Variants in PARP8 observed in about 807,000 individuals in gnomAD.
PARP8 encodes the protein protein mono-ADP-ribosyltransferase PARP8.
In PARP8, 51 loss-of-function variants were observed where a neutral mutation model predicts 124.1. The observed-to-expected ratio is 0.41, with a 90% CI of 0.33 to 0.52. The LOEUF is 0.52. Among genes scored for constraint, PARP8 ranks in the 20% least tolerant of loss-of-function variants. The pLI is 0.21. For missense variants in PARP8, 860 were observed against 1,018.9 expected (o/e 0.84, Z 2.12); for synonymous variants, 391 against 361.5 (o/e 1.08, Z -0.93).
intron 2 of PARP8, among the ~76,000 whole-genome samples, chr5:50,691,405 C>A (rs1262847411): frequency 2.0e-5 from 3 of 152,154 alleles, no homozygotes; most frequent in African/African-American, 7.2e-5. Flanking sequence ...GTTAATCATG[C>A]CCTCCTTTTG....
chr5:50,836,778 A>C (rs549771993), intron 25 of PARP8, among the ~76,000 whole-genome samples: 1 of 152,142 alleles, frequency 6.6e-6, no homozygotes, highest in Non-Finnish European at 1.5e-5. Flanking sequence ...TTTCTTAACT[A>C]TCTTGATTGT....
intron 2 of PARP8, among the ~76,000 whole-genome samples, chr5:50,673,208 A>G (rs1263022665): frequency 6.6e-6 from 1 of 152,102 alleles, no homozygotes; most frequent in African/African-American, 2.4e-5. Context: ...TGAGTTAGTG[A>G]GAATCTGGGT....
At chr5:50,743,460 G>C (rs1006214214) in intron 2 of PARP8, among the ~76,000 whole-genome samples, 4 of 152,114 alleles carry the variant, frequency 2.6e-5, no homozygotes, top group African/African-American at 9.7e-5. Context: ...TGAGACACTA[G>C]AGTTGGGTCT....
intron 12 of PARP8, among the ~76,000 whole-genome samples, chr5:50,796,271 T>C (rs1327338547): frequency 6.6e-6 from 1 of 152,096 alleles, no homozygotes; most frequent in East Asian, 1.9e-4. Flanking sequence ...TTGAAAAAAA[T>C]AAGATGTTTC....
chr5:50,789,553 A>G (rs112188920), intron 10 of PARP8, among the ~76,000 whole-genome samples: 5 of 152,310 alleles, frequency 3.3e-5, no homozygotes, highest in African/African-American at 9.6e-5. Flanking sequence ...CTCTTTGAAC[A>G]TAGAGTCTAG....
At position 50,741,040 on chromosome 5, in the gene PARP8, A is replaced by G. The variant is rs139000998; in HGVS notation, c.147-9111A>G. Among the ~76,000 whole-genome samples, 50 of 152,266 alleles carry G rather than the reference A, an allele frequency of 3.3e-4. 1 individual carries two copies. The East Asian group carries it at 7.1e-3, about 22-fold the overall frequency. ...TTTTCCGTCTTGGTATGCTGTGCAG[A>G]TCATTTATAGCCTCTTTAAACTTTT... On this transcript the variant is annotated intron_variant, in intron 2 of 25. Coordinates refer to ENST00000281631, the MANE Select transcript of PARP8 (RefSeq NM_024615.4).
chr5:50,702,835 G>A lies in PARP8; in HGVS notation c.146+34710G>A, dbSNP rs546345006. Among the ~76,000 whole-genome samples, 11 of 152,268 alleles carry A rather than the reference G, an allele frequency of 7.2e-5. No homozygotes were observed. The South Asian group carries it at 1.5e-3, about 20-fold the overall frequency. On this transcript the variant is annotated intron_variant, in intron 2 of 25. Coordinates refer to ENST00000281631, the MANE Select transcript of PARP8 (RefSeq NM_024615.4). ...GTTACACAGAAGAGGAAGTGGTGAG[G>A]AAAATATCTGTCTTTAATTCTCCTA...
At chr5:50,806,620 G>A (rs190500520) in intron 14 of PARP8, among the ~76,000 whole-genome samples, 57 of 152,050 alleles carry the variant, frequency 3.7e-4, no homozygotes, top group African/African-American at 1.1e-3. Context: ...ATCAGAAAAC[G>A]TTCTTAAATA....
At chr5:50,782,679 G>A (rs1020641708) in intron 9 of PARP8, among the ~76,000 whole-genome samples, 1 of 151,678 alleles carries the variant, frequency 6.6e-6, no homozygotes, top group Non-Finnish European at 1.5e-5. Context: ...CCTTATTAAG[G>A]TTAAGCAGAT....
intron 2 of PARP8, among the ~76,000 whole-genome samples, chr5:50,725,964 T>A (rs1418905430): frequency 6.6e-6 from 1 of 152,136 alleles, no homozygotes; most frequent in Non-Finnish European, 1.5e-5. Flanking sequence ...CGGAGACGCA[T>A]CCTGTAGAGC....
chr5:50,845,030 T>G lies in PARP8; in HGVS notation c.*2962T>G, dbSNP rs185093348. 50 of 151,550 alleles carry G rather than the reference T, an allele frequency of 3.3e-4. 1 individual carries two copies. The highest frequency in any genetic ancestry group is 1.2e-3 in the African/African-American group (50 of 41,460). 9.4% of individuals were successfully genotyped at this position (151,550 alleles called of 1,614,324 possible). On this transcript the variant is annotated 3_prime_UTR_variant, in exon 26 of 26. Transcript: ENST00000281631. ...AAGTTTAATTTTAAAAGTGCCACATTGTAAAAGTTACCGTTAAATACTATG... is the reference window on the plus strand; with the variant it reads ...AAGTTTAATTTTAAAAGTGCCACATGGTAAAAGTTACCGTTAAATACTATG...
At chr5:50,684,028 A>G (rs543623487) in intron 2 of PARP8, among the ~76,000 whole-genome samples, 48 of 152,308 alleles carry the variant, frequency 3.2e-4, no homozygotes, top group African/African-American at 9.4e-4. Flanking sequence ...ACAATTTCCT[A>G]TGAGGCTGGT....
rs138802760 is a variant in PARP8, at chr5:50,700,847, T to C, written c.146+32722T>C. ...GTCTTTTTTTAATCTGGCAAAAGCC[T>C]TCTCTCAGGATAATCATTATGCTCG... On this transcript the variant is annotated intron_variant, in intron 2 of 25. Coordinates refer to ENST00000281631, the MANE Select transcript of PARP8 (RefSeq NM_024615.4). Among the ~76,000 whole-genome samples, 283 of 152,250 alleles carry C rather than the reference T, an allele frequency of 1.9e-3. 1 individual carries two copies. Among genetic ancestry groups the C allele is most frequent in the African/African-American group, 6.5e-3 (270 of 41,574 alleles).
At chr5:50,680,803 A>G (rs1751205075) in intron 2 of PARP8, among the ~76,000 whole-genome samples, 2 of 152,150 alleles carry the variant, frequency 1.3e-5, no homozygotes, top group South Asian at 4.1e-4. Flanking sequence ...GTAAGAAAGT[A>G]AAATCTGGCA....
intron 2 of PARP8, chr5:50,668,503 T>C (rs1749630665): frequency 5.9e-6 from 1 of 168,708 alleles, no homozygotes; most frequent in Non-Finnish European, 1.3e-5. Context: ...TGATCAGAAG[T>C]GTTGATTTTC....
intron 2 of PARP8, among the ~76,000 whole-genome samples, chr5:50,691,056 A>G (rs752455908): frequency 5.9e-5 from 9 of 152,154 alleles, no homozygotes; most frequent in Non-Finnish European, 1.0e-4. Context: ...TTCTTCCTCT[A>G]TTCAAATCTC....
At chr5:50,709,977 CACACATATAT>C (rs1754601153) in intron 2 of PARP8, among the ~76,000 whole-genome samples, 1 of 145,200 alleles carries the variant, frequency 6.9e-6, no homozygotes, top group South Asian at 2.1e-4. Context: ...TATACACACA[CACACATATAT>C]ATACATATAT....
At chr5:50,729,605 G>A (rs551354242) in intron 2 of PARP8, among the ~76,000 whole-genome samples, 2 of 152,126 alleles carry the variant, frequency 1.3e-5, no homozygotes, top group East Asian at 1.9e-4. Flanking sequence ...AATAAATTTT[G>A]TTTTTCTTGC....
intron 20 of PARP8, 71 bp from the exon 21 acceptor site, chr5:50,828,239 TTA>T: frequency 6.9e-7 from 1 of 1,449,240 alleles, no homozygotes; most frequent in South Asian, 1.2e-5. Flanking sequence ...GCACCATGAC[TTA>T]TTATGTTTTG....
Sources: gnomAD v4.1 joint callset for allele counts (sites outside exome capture counted in the v4.1 genomes callset) on GRCh38, gnomAD v4.1.1 for gene constraint, MANE v1.5 for transcripts, NCBI Gene and HGNC (gene_info 2026-07-23, HGNC 2026-07-21) for gene names.